CIRBP: variants seen among roughly 807,000 people sequenced by gnomAD.
CIRBP encodes cold inducible RNA binding protein, also known as cold-inducible RNA-binding protein.
In CIRBP, 11 loss-of-function variants were observed where a neutral mutation model predicts 22.3. The observed-to-expected ratio is 0.49, with a 90% CI of 0.31 to 0.82. The LOEUF is 0.82. CIRBP is among the 40% of genes least tolerant of loss of function. CIRBP has a pLI of 0.05. For missense variants in CIRBP, 456 were observed against 402.7 expected, an observed-to-expected ratio of 1.13 and a Z score of -1.13; for synonymous variants, 216 against 158.8, an observed-to-expected ratio of 1.36 and a Z score of -2.71.
chr19:1,271,764 A>G, intron 5 of CIRBP, 132 bp downstream of exon 5: 1 of 718,304 alleles, frequency 1.4e-6, no homozygotes, highest in Admixed American at 2.9e-5. Flanking sequence ...GACCCAGGCC[A>G]AGAGGAGAGG....
intron 1 of CIRBP, chr19:1,269,794 G>C (rs760699592): frequency 1.6e-4 from 79 of 506,910 alleles, no homozygotes; most frequent in Middle Eastern, 7.9e-4. Context: ...CTTGGGGCTG[G>C]AGGTATCCAC....
chr19:1,272,460 A>T lies in CIRBP; in HGVS notation c.*17A>T. On this transcript the variant is annotated 3_prime_UTR_variant, in exon 6 of 6. Transcript: ENST00000587896. The stretch of plus-strand genomic sequence containing the variant: ...AACGAGTAAAAACCCTTCCTGCTCA[A>T]GATCGTCCTTCCAATGGCTGTGTGT... 1 of 1,517,726 alleles carries T rather than the reference A, an allele frequency of 6.6e-7. No individual in the cohort carries two copies. The highest frequency in any genetic ancestry group is 2.3e-5 in the East Asian group (1 of 44,024). 94.0% of individuals were successfully genotyped at this position (1,517,726 alleles called of 1,614,324 possible). A position where few individuals can be genotyped will look rare whatever the true frequency, so the allele number is the denominator to read the frequency against.
rs1251494458 is a variant in CIRBP, at chr19:1,272,196, G to A, written c.647G>A (p.Ser216Asn). ...GAAGAGGCGCATCTGTCCTCTCAGA[G>A]CCATTTCTATCGCAGGACGCAAAAG... is the stretch of plus-strand genomic sequence containing the variant. ...CPEEAHLSSQSHFYRRTQKPN... is the reference protein window; with the variant it reads ...CPEEAHLSSQNHFYRRTQKPN... Residue 216 changes from serine (S) to asparagine (N), a missense_variant, in exon 6 of 6, where the codon AGC becomes AAC. By Grantham distance (46) the Ser-to-Asn change is conservative. This residue lies in a region of CIRBP where 426 missense variants were observed against 339.6 expected (regional missense o/e 1.25). Coordinates refer to ENST00000587896, the MANE Select transcript of CIRBP (RefSeq NM_001300829.2). 3.1e-6 allele frequency: 5 copies of A among 1,596,032 alleles called. No homozygotes were observed. The highest frequency in any genetic ancestry group is 2.2e-5 in the South Asian group (2 of 89,980).
chr19:1,274,535 C>A lies in CIRBP; in HGVS notation c.*2092C>A. Reference sequence around the variant, plus strand: ...GAGTCCTGCTCTCCCGCACCTATGGCCCCATGGCGGGCGCCTTTCGGTGTG... The same window carrying A: ...GAGTCCTGCTCTCCCGCACCTATGGACCCATGGCGGGCGCCTTTCGGTGTG... On this transcript the variant is annotated 3_prime_UTR_variant, in exon 6 of 6. Coordinates refer to ENST00000587896, the MANE Select transcript of CIRBP (RefSeq NM_001300829.2). 2.6e-6 allele frequency: 1 copy of A among 384,948 alleles called. No homozygotes were observed. Among genetic ancestry groups the A allele is most frequent in the Non-Finnish European group, 4.6e-6 (1 of 217,466 alleles). The allele number at this position is 384,948 out of a possible 1,614,324, so 23.8% of individuals were successfully genotyped here. A position where few individuals can be genotyped will look rare whatever the true frequency, so the allele number is the denominator to read the frequency against.
chr19:1,274,424 CAGG>C lies in CIRBP; in HGVS notation c.*1985_*1987del. The C allele has an allele frequency of 2.5e-6, 1 of 399,712 alleles. No individual in the cohort carries two copies. Among genetic ancestry groups the C allele is most frequent in the Non-Finnish European group, 4.4e-6 (1 of 225,612 alleles). 24.8% of individuals were successfully genotyped at this position (399,712 alleles called of 1,614,324 possible). A position where few individuals can be genotyped will look rare whatever the true frequency, so the allele number is the denominator to read the frequency against. ...CAAGAGCTGGAGGCAGCCGCTTGCC[CAGG>C]AGGCTTGTCCCCTGTAAGTGCTTTC... On this transcript the variant is annotated 3_prime_UTR_variant, in exon 6 of 6. Coordinates refer to ENST00000587896, the MANE Select transcript of CIRBP (RefSeq NM_001300829.2).
rs140954938 is a variant in CIRBP at position 1,270,316 on chromosome 19, G to A, written c.-6-612G>A. 31 of 357,982 alleles carry A rather than the reference G, an allele frequency of 8.7e-5. No individual in the cohort carries two copies. In the East Asian group the frequency reaches 2.3e-3, roughly 27 times the overall value. 22.2% of individuals were successfully genotyped at this position (357,982 alleles called of 1,614,324 possible). A position where few individuals can be genotyped will look rare whatever the true frequency, so the allele number is the denominator to read the frequency against. ...AACAAGTAGATGTCAGTTGGTTAGG[G>A]TAGGAGTTGGCACCCGTTCGGAAAT... On this transcript the variant is annotated intron_variant, in intron 1 of 5. Coordinates refer to ENST00000587896, the MANE Select transcript of CIRBP (RefSeq NM_001300829.2).
chr19:1,270,995 C>A lies in CIRBP; in HGVS notation c.62C>A (p.Ser21Ter). ...CTGAGTTTTGACACCAATGAGCAGTCGCTGGAGCAGGTCTTCTCAAAGTAC... is the reference window on the plus strand; with the variant it reads ...CTGAGTTTTGACACCAATGAGCAGTAGCTGGAGCAGGTCTTCTCAAAGTAC... ...GGLSFDTNEQ[S>*]LEQVFSKYGQ... Residue 21 changes from serine (S) to a stop codon, truncating the protein, a stop_gained, in exon 2 of 6, where the codon TCG becomes TAG. Coordinates refer to ENST00000587896, the MANE Select transcript of CIRBP (RefSeq NM_001300829.2). LOFTEE classifies it high-confidence loss of function. The A allele has an allele frequency of 6.2e-7, 1 of 1,614,020 alleles. No individual in the cohort carries two copies. Among genetic ancestry groups the A allele is most frequent in the South Asian group, 1.1e-5 (1 of 91,072 alleles).
Position 1,272,530 on chromosome 19 carries a change from G to T in CIRBP, c.*87G>T. 1.8e-6 allele frequency: 2 copies of T among 1,122,942 alleles called. No individual in the cohort carries two copies. Among genetic ancestry groups the T allele is most frequent in the East Asian group, 2.4e-5 (1 of 41,884 alleles). 69.6% of individuals were successfully genotyped at this position (1,122,942 alleles called of 1,614,324 possible). On this transcript the variant is annotated 3_prime_UTR_variant, in exon 6 of 6. Transcript: ENST00000587896. ...CGCTGAACGTTAATGTGTAGTAAAT[G>T]CACCTCCTTGTATTCCCACTTTCGT...
Position 1,274,464 on chromosome 19 carries a change from C to T in CIRBP, c.*2021C>T. 1 of 394,938 alleles carries T rather than the reference C, an allele frequency of 2.5e-6. No homozygotes were observed. Among genetic ancestry groups the T allele is most frequent in the Non-Finnish European group, 4.5e-6 (1 of 222,934 alleles). The allele number at this position is 394,938 out of a possible 1,614,324, so 24.5% of individuals were successfully genotyped here. On this transcript the variant is annotated 3_prime_UTR_variant, in exon 6 of 6. Transcript: ENST00000587896. ...CTGTAAGTGCTTTCGGGAAGAGTGG[C>T]ATGTGGCGCTGAGCCCTGTCCCGGG...
intron 1 of CIRBP, chr19:1,270,262 C>T (rs2081316629): frequency 2.1e-5 from 8 of 383,712 alleles, no homozygotes; most frequent in South Asian, 1.5e-4. Flanking sequence ...AGGCATTTTA[C>T]AGTGAGCAGA....
At position 1,272,456 on chromosome 19, in the gene CIRBP, C is replaced by A; in HGVS notation, c.*13C>A. 1 of 1,520,292 alleles carries A rather than the reference C, an allele frequency of 6.6e-7. No individual in the cohort carries two copies. Among genetic ancestry groups the A allele is most frequent in the South Asian group, 1.3e-5 (1 of 76,686 alleles). The allele number at this position is 1,520,292 out of a possible 1,614,324, so 94.2% of individuals were successfully genotyped here. On this transcript the variant is annotated 3_prime_UTR_variant, in exon 6 of 6. Transcript: ENST00000587896. ...ACACAACGAGTAAAAACCCTTCCTG[C>A]TCAAGATCGTCCTTCCAATGGCTGT...
rs182655027 is a variant in CIRBP at position 1,271,704 on chromosome 19, C to T, written c.431+72C>T. On this transcript the variant is annotated intron_variant, in intron 5 of 5. Transcript: ENST00000587896. ...AGCTTCCGTCCCGGGTCCCAGGTCC[C>T]TGGGGGAGCTGAGATGAGACTGGCT... 536 of 1,010,414 alleles carry T rather than the reference C, an allele frequency of 5.3e-4. 1 individual carries two copies. In the African/African-American group the frequency reaches 8.2e-3, roughly 15 times the overall value. The allele number at this position is 1,010,414 out of a possible 1,614,324, so 62.6% of individuals were successfully genotyped here. A position where few individuals can be genotyped will look rare whatever the true frequency, so the allele number is the denominator to read the frequency against.
At chr19:1,270,559 G>C (rs1385025001) in intron 1 of CIRBP, among the ~76,000 whole-genome samples, 1 of 152,162 alleles carries the variant, frequency 6.6e-6, no homozygotes, top group Non-Finnish European at 1.5e-5. Context: ...CTTGAGCCCA[G>C]GAGTTTCAGA....
At chr19:1,269,515 G>T (rs886419197) in intron 1 of CIRBP, 105 bp downstream of exon 1, 30 of 155,214 alleles carry the variant, frequency 1.9e-4, no homozygotes, top group Non-Finnish European at 3.3e-4. Flanking sequence ...GAGGGGGCGG[G>T]CCCGGGGTGG....
In CIRBP at chr19:1,271,441, G is replaced by A. The variant is rs1483874345; in HGVS notation, c.323G>A (p.Arg108Gln). The A allele has an allele frequency of 1.6e-5, 26 of 1,611,918 alleles. No homozygotes were observed. Among genetic ancestry groups the A allele is most frequent in the African/African-American group, 4.0e-5 (3 of 74,920 alleles). ...AGGRGFFRGG[R>Q]GRGRGFSRGG... ...GGCCGGGGCTTCTTCCGTGGGGGCC[G>A]AGGACGGGGCCGTGGGTTCTCTAGA... The change falls in exon 4 of 6, where the codon CGA becomes CAA. Residue 108 changes from arginine (R) to glutamine (Q), a missense_variant. Physicochemically the swap from Arg to Gln is conservative, Grantham distance 43. Coordinates refer to ENST00000587896, the MANE Select transcript of CIRBP (RefSeq NM_001300829.2).
chr19:1,274,435 T>TCC lies in CIRBP; in HGVS notation c.*1995_*1996dup. On this transcript the variant is annotated 3_prime_UTR_variant, in exon 6 of 6. Transcript: ENST00000587896. ...GGCAGCCGCTTGCCCAGGAGGCTTGTCCCCTGTAAGTGCTTTCGGGAAGAG... is the reference window on the plus strand; with the variant it reads ...GGCAGCCGCTTGCCCAGGAGGCTTGTCCCCCCTGTAAGTGCTTTCGGGAAGAG... 2.5e-6 allele frequency: 1 copy of TCC among 398,898 alleles called. No individual in the cohort carries two copies. Among genetic ancestry groups the TCC allele is most frequent in the Non-Finnish European group, 4.4e-6 (1 of 225,190 alleles). The allele number at this position is 398,898 out of a possible 1,614,324, so 24.7% of individuals were successfully genotyped here. A position where few individuals can be genotyped will look rare whatever the true frequency, so the allele number is the denominator to read the frequency against.
chr19:1,270,237 C>T, intron 1 of CIRBP: 3 of 396,004 alleles, frequency 7.6e-6, no homozygotes, highest in Admixed American at 2.7e-5. Flanking sequence ...AGCCAGCCCC[C>T]CCCCCAGTCT....
chr19:1,272,798 G>A lies in CIRBP; in HGVS notation c.*355G>A. On this transcript the variant is annotated 3_prime_UTR_variant, in exon 6 of 6. Coordinates refer to ENST00000587896, the MANE Select transcript of CIRBP (RefSeq NM_001300829.2). The stretch of plus-strand genomic sequence containing the variant: ...TTGCCTTTTTTTTTTTAGTGGGGTT[G>A]GCCCCATGAAGTGGGTGCCCCACTC... The A allele has an allele frequency of 5.4e-6, 1 of 185,812 alleles. No homozygotes were observed. Among genetic ancestry groups the A allele is most frequent in the Middle Eastern group, 2.3e-3 (1 of 436 alleles). The allele number at this position is 185,812 out of a possible 1,614,324, so 11.5% of individuals were successfully genotyped here. A position where few individuals can be genotyped will look rare whatever the true frequency, so the allele number is the denominator to read the frequency against.
At position 1,274,215 on chromosome 19, in the gene CIRBP, C is replaced by G; in HGVS notation, c.*1772C>G. ...AGCCCCCTGACTAGCCTGAGACCTT[C>G]CTAGGGGCTGTGGCTGTTTCCGGGG... On this transcript the variant is annotated 3_prime_UTR_variant, in exon 6 of 6. Coordinates refer to ENST00000587896, the MANE Select transcript of CIRBP (RefSeq NM_001300829.2). The G allele has an allele frequency of 2.5e-6, 1 of 399,974 alleles. No homozygotes were observed. Among genetic ancestry groups the G allele is most frequent in the Non-Finnish European group, 4.4e-6 (1 of 225,914 alleles). The allele number at this position is 399,974 out of a possible 1,614,324, so 24.8% of individuals were successfully genotyped here.
Sources: allele counts gnomAD v4.1 joint callset (sites outside exome capture counted in the v4.1 genomes callset), GRCh38; gene constraint gnomAD v4.1.1; regional missense constraint gnomAD v4.1.1; transcripts MANE v1.5; gene names NCBI Gene and HGNC (gene_info 2026-07-23, HGNC 2026-07-21).